DRC11: variants seen among roughly 807,000 people sequenced by gnomAD.
The protein encoded by DRC11 is IQ and AAA domain-containing protein 1.
the DRC11 span, among the ~76,000 whole-genome samples, chr2:236,353,971 T>C: frequency 1.3e-5 from 2 of 152,214 alleles, no homozygotes; most frequent in Non-Finnish European, 2.9e-5. The surrounding 1 kb of genome is among the most constrained non-coding windows in gnomAD (Gnocchi z 5.0). Context: ...TAATACCTTT[T>C]ATGTACTTGC....
the DRC11 span, chr2:236,408,351 G>T: frequency 1.3e-6 from 1 of 764,684 alleles, no homozygotes; most frequent in Non-Finnish European, 2.4e-6. The surrounding 1 kb of genome is among the most constrained non-coding windows in gnomAD (Gnocchi z 5.5). Flanking sequence ...GGGTCTTGCA[G>T]GGTAGCTTCT....
chr2:236,422,069 A>G, the DRC11 span, among the ~76,000 whole-genome samples: 1 of 152,166 alleles, frequency 6.6e-6, no homozygotes, highest in African/African-American at 2.4e-5. Flanking sequence ...AAATAATAAG[A>G]GCTATCTATG....
the DRC11 span, among the ~76,000 whole-genome samples, chr2:236,424,873 TG>T: frequency 6.6e-6 from 1 of 151,964 alleles, no homozygotes; most frequent in African/African-American, 2.4e-5. Context: ...TAAGTTAAAT[TG>T]TTTTTTTAGA....
chr2:236,491,196 A>ATATATATATACACAG, the DRC11 span, among the ~76,000 whole-genome samples: 5 of 63,208 alleles, frequency 7.9e-5, no homozygotes, highest in African/African-American at 4.1e-4. Flanking sequence ...CAGTATATAT[A>ATATATATATACACAG]TATATATATA....
the DRC11 span, among the ~76,000 whole-genome samples, chr2:236,357,642 A>AACTATAT: frequency 4.1e-5 from 5 of 122,864 alleles, no homozygotes; most frequent in African/African-American, 1.7e-4. Context: ...TATAATATGT[A>AACTATAT]AATATATAAA....
the DRC11 span, among the ~76,000 whole-genome samples, chr2:236,485,983 C>T: frequency 3.3e-5 from 5 of 152,154 alleles, no homozygotes; most frequent in Admixed American, 3.3e-4. Context: ...TGTGGGTGGC[C>T]CCTATAACTT....
chr2:236,495,638 T>C, the DRC11 span, among the ~76,000 whole-genome samples: 1 of 152,082 alleles, frequency 6.6e-6, no homozygotes, highest in Non-Finnish European at 1.5e-5. The surrounding 1 kb of genome is among the most constrained non-coding windows in gnomAD (Gnocchi z 5.6). Context: ...TAAGGAAGGA[T>C]TTGGGGAACT....
the DRC11 span, among the ~76,000 whole-genome samples, chr2:236,362,559 A>T: frequency 2.0e-5 from 3 of 152,198 alleles, no homozygotes; most frequent in Admixed American, 2.0e-4. This position sits in a 1 kb window ranked among gnomAD's most constrained non-coding sequence, Gnocchi z 5.7. Flanking sequence ...CGTGTTATTC[A>T]ACTGTTTCTG....
the DRC11 span, among the ~76,000 whole-genome samples, chr2:236,354,880 G>C: frequency 6.6e-6 from 1 of 152,200 alleles, no homozygotes; most frequent in Non-Finnish European, 1.5e-5. Flanking sequence ...GGGTCCTGGA[G>C]AAGCCTGGCT....
chr2:236,357,443 T>G, the DRC11 span, among the ~76,000 whole-genome samples: 2 of 126,696 alleles, frequency 1.6e-5, no homozygotes, highest in Admixed American at 8.5e-5. Flanking sequence ...TATATGTATA[T>G]TTATAAATTA....
At chr2:236,443,704 T>C in the DRC11 span, among the ~76,000 whole-genome samples, 4 of 152,232 alleles carry the variant, frequency 2.6e-5, no homozygotes, top group Admixed American at 1.3e-4. The surrounding 1 kb of genome is among the most constrained non-coding windows in gnomAD (Gnocchi z 4.4). Context: ...ATCTGTATAA[T>C]AGAATTATTT....
chr2:236,308,801 G>A, the DRC11 span, among the ~76,000 whole-genome samples: 9 of 152,218 alleles, frequency 5.9e-5, no homozygotes, highest in Non-Finnish European at 1.3e-4. The surrounding 1 kb of genome is among the most constrained non-coding windows in gnomAD (Gnocchi z 6.0). Flanking sequence ...TGTGAATAGT[G>A]CTGCAGTGAA....
the DRC11 span, among the ~76,000 whole-genome samples, chr2:236,357,164 A>G: frequency 5.0e-5 from 6 of 120,582 alleles, no homozygotes; most frequent in African/African-American, 2.0e-4. Context: ...GTATTCATAT[A>G]TATCTATATA....
the DRC11 span, among the ~76,000 whole-genome samples, chr2:236,379,250 C>T: frequency 2.8e-5 from 4 of 143,650 alleles, no homozygotes; most frequent in Non-Finnish European, 6.1e-5. Flanking sequence ...CTAAGGGAAG[C>T]GGAGGGAACC....
At chr2:236,330,592 G>A in the DRC11 span, among the ~76,000 whole-genome samples, 1 of 152,202 alleles carries the variant, frequency 6.6e-6, no homozygotes, top group African/African-American at 2.4e-5. This position sits in a 1 kb window ranked among gnomAD's most constrained non-coding sequence, Gnocchi z 5.5. Flanking sequence ...ATGTTAAGCA[G>A]GCTCCCAGAG....
the DRC11 span, chr2:236,497,613 T>C: frequency 1.5e-6 from 1 of 669,016 alleles, no homozygotes; most frequent in Non-Finnish European, 2.5e-6. The surrounding 1 kb of genome is among the most constrained non-coding windows in gnomAD (Gnocchi z 5.1). Context: ...TATAGTTATA[T>C]AGTTGCAAGG....
At chr2:236,335,180 A>G in the DRC11 span, among the ~76,000 whole-genome samples, 3 of 152,306 alleles carry the variant, frequency 2.0e-5, no homozygotes, top group East Asian at 5.8e-4. This position sits in a 1 kb window ranked among gnomAD's most constrained non-coding sequence, Gnocchi z 5.6. Flanking sequence ...TGGAGAGACA[A>G]CTAAGCCACC....
the DRC11 span, among the ~76,000 whole-genome samples, chr2:236,411,212 A>G: frequency 3.9e-5 from 6 of 152,178 alleles, no homozygotes; most frequent in East Asian, 1.9e-4. Context: ...AAAAACAAAC[A>G]ACCCCATCAA....
chr2:236,348,256 T>C, the DRC11 span, among the ~76,000 whole-genome samples: 2 of 152,132 alleles, frequency 1.3e-5, no homozygotes, highest in Non-Finnish European at 2.9e-5. The surrounding 1 kb of genome is among the most constrained non-coding windows in gnomAD (Gnocchi z 7.4). Flanking sequence ...CAGGAGAAAG[T>C]TGCCACAGGA....
Sources: gnomAD v4.1 joint callset for allele counts (sites outside exome capture counted in the v4.1 genomes callset) on GRCh38, gnomAD v4.1.1 for gene constraint, Gnocchi (gnomAD v3.1) non-coding constraint, MANE v1.5 for transcripts, NCBI Gene and HGNC (gene_info 2026-07-23, HGNC 2026-07-21) for gene names.